The following DNAH2 variants were observed in gnomAD, a reference collection of about 807,000 sequenced individuals.
The protein encoded by DNAH2 is dynein axonemal heavy chain 2.
A neutral mutation model predicts 523.5 loss-of-function variants in DNAH2; 323 were observed. The ratio of observed to expected loss-of-function variants is 0.62; its 90% CI spans 0.56 to 0.68. The LOEUF (loss-of-function observed/expected upper bound fraction) is 0.68, where lower values mean the gene tolerates loss of function less well. DNAH2 is among the 30% of genes least tolerant of loss of function. DNAH2 has a pLI of 0.00. For synonymous variants in DNAH2, 2,093 were observed against 2,177.4 expected (o/e 0.96, Z 1.08); for missense variants, 4,907 against 5,701.5 (o/e 0.86, Z 4.49).
At position 7,793,451 on chromosome 17, in the gene DNAH2, CTTTCTTTCTTTCTTTCTT is replaced by C. The variant is rs2076960208; in HGVS notation, c.7569+248_7569+265del. Among the ~76,000 whole-genome samples the C allele has an allele frequency of 2.0e-4, 11 of 54,168 alleles. 1 individual carries two copies. The South Asian group carries it at 3.2e-3, about 16-fold the overall frequency. The allele number at this position is 54,168 out of a possible 152,430, so 35.5% of individuals were successfully genotyped here. Reference sequence around the variant, plus strand: ...GCTTGCTTTTTCTTTCTTTCTTTTTCTTTCTTTCTTTCTTTCTTTCTTTCTTTCTTTCTTTCTTTCTTT... The same window carrying C: ...GCTTGCTTTTTCTTTCTTTCTTTTTCTCTTTCTTTCTTTCTTTCTTTCTTT... On this transcript the variant is annotated intron_variant, in intron 48 of 85. Coordinates refer to ENST00000572933, the MANE Select transcript of DNAH2 (RefSeq NM_020877.5).
chr17:7,785,863 A>G (rs1420451624), intron 39 of DNAH2, among the ~76,000 whole-genome samples: 1 of 152,194 alleles, frequency 6.6e-6, no homozygotes, highest in African/African-American at 2.4e-5. Context: ...TGTGTCAATG[A>G]GGAAACTGAG....
chr17:7,796,639 G>A lies in DNAH2; in HGVS notation c.7850G>A (p.Arg2617Gln), dbSNP rs772091860. The A allele has an allele frequency of 6.2e-6, 10 of 1,611,732 alleles. No individual in the cohort carries two copies. The East Asian group carries it at 1.1e-4, about 18-fold the overall frequency. The part of the protein sequence containing the change: ...PTKMHYLFNL[R>Q]DISKVFQGML... ...AAGATGCATTACCTCTTCAACCTTC[G>A]AGACATCTCCAAGGTGACTCGCGGC... The change falls in exon 50 of 86, where the codon CGA (arginine) becomes CAA (glutamine). Residue 2617 changes from arginine (R) to glutamine (Q), a missense_variant. This residue lies in a region of DNAH2 where 250 missense variants were observed against 371.3 expected (regional missense o/e 0.67). Coordinates refer to ENST00000572933, the MANE Select transcript of DNAH2 (RefSeq NM_020877.5).
Position 7,760,869 on chromosome 17 carries a change from C to A in DNAH2, c.2915C>A (p.Ser972Tyr). 2 of 1,614,198 alleles carry A rather than the reference C, an allele frequency of 1.2e-6. No homozygotes were observed. Among genetic ancestry groups the A allele is most frequent in the South Asian group, 1.1e-5 (1 of 91,084 alleles). The change falls in exon 18 of 86, where the codon TCC becomes TAC. Residue 972 changes from serine to tyrosine, a missense_variant. Ser to Tyr is a moderately radical substitution (Grantham distance 144). This residue lies in a region of DNAH2 where 2,806 missense variants were observed against 3,190.8 expected (regional missense o/e 0.88). Coordinates refer to ENST00000572933, the MANE Select transcript of DNAH2 (RefSeq NM_020877.5). This position sits in a 1 kb window ranked among gnomAD's most constrained non-coding sequence, Gnocchi z 4.0. ...YREIWEINKD[S>Y]FIHRYQRLNP... ...GAGATCTGGGAGATCAACAAGGACT[C>A]CTTCATTCATCGCTACCAGCGCCTC...
At chr17:7,769,990 T>C (rs1217014241) in intron 24 of DNAH2, among the ~76,000 whole-genome samples, 1 of 152,180 alleles carries the variant, frequency 6.6e-6, no homozygotes, top group Non-Finnish European at 1.5e-5. Context: ...CTCAGTACAG[T>C]TCTAGAGTAA....
At chr17:7,814,217 A>T (rs1026306673) in intron 63 of DNAH2, among the ~76,000 whole-genome samples, 1 of 150,690 alleles carries the variant, frequency 6.6e-6, no homozygotes, top group Non-Finnish European at 1.5e-5. Flanking sequence ...GATAGTAAAA[A>T]TTATTTTCTA....
At chr17:7,830,515 A>G (rs34121753) in intron 78 of DNAH2, 24 bp downstream of exon 78, 807,412 of 1,611,336 alleles carry the variant, frequency 0.5, 221,820 homozygotes, top group Non-Finnish European at 0.58. Flanking sequence ...AGGGGTCCTC[A>G]TCCCAGCCCT....
chr17:7,776,906 A>G lies in DNAH2; in HGVS notation c.5058+17A>G, dbSNP rs756630090. On this transcript the variant is annotated intron_variant, in intron 32 of 85. Coordinates refer to ENST00000572933, the MANE Select transcript of DNAH2 (RefSeq NM_020877.5). Reference sequence around the variant, plus strand: ...AAGAACCAGGTGAGAGGCTGGGCGCACTGGCTCATGCTTGTAATCCCAGCA... The same window carrying G: ...AAGAACCAGGTGAGAGGCTGGGCGCGCTGGCTCATGCTTGTAATCCCAGCA... 4 of 1,590,660 alleles carry G rather than the reference A, an allele frequency of 2.5e-6. No individual in the cohort carries two copies. The South Asian group carries it at 4.4e-5, about 18-fold the overall frequency.
intron 77 of DNAH2, among the ~76,000 whole-genome samples, chr17:7,826,770 C>T (rs1421805758): frequency 6.6e-6 from 1 of 151,928 alleles, no homozygotes; most frequent in African/African-American, 2.4e-5. Flanking sequence ...AACTCCTGAC[C>T]TCAGGCAATC....
chr17:7,759,135 T>TGAGGTAGG lies in DNAH2; in HGVS notation c.2448+12_2448+13insAGGTAGGG. ...AATGATGGTCCTGAGGTAGGGTTCCTGTGGCCAGGATGTTGTGGTTGGAAA... is the reference window on the plus strand; with the variant it reads ...AATGATGGTCCTGAGGTAGGGTTCCTGAGGTAGGGTGGCCAGGATGTTGTGGTTGGAAA... On this transcript the variant is annotated intron_variant, in intron 15 of 85. Transcript: ENST00000572933. 2 of 1,613,428 alleles carry TGAGGTAGG rather than the reference T, an allele frequency of 1.2e-6. No individual in the cohort carries two copies. Among genetic ancestry groups the TGAGGTAGG allele is most frequent in the Non-Finnish European group, 1.7e-6 (2 of 1,179,756 alleles).
In DNAH2 at chr17:7,797,214, T is replaced by C. The variant is rs775817259; in HGVS notation, c.7902T>C (p.His2634=). ...TGCTTAGAGCCAACAAGGACTTCCA[T>C]GATACCAAGTCCAGCATCACACGGC... The part of the protein sequence containing the change: ...QGMLRANKDF[H]DTKSSITRLW... Residue 2634 remains histidine, a synonymous_variant, in exon 51 of 86, where the codon CAT becomes CAC. Coordinates refer to ENST00000572933, the MANE Select transcript of DNAH2 (RefSeq NM_020877.5). The C allele has an allele frequency of 3.1e-6, 5 of 1,613,810 alleles. No homozygotes were observed. The highest frequency in any genetic ancestry group is 2.2e-5 in the South Asian group (2 of 91,068).
chr17:7,823,989 G>A lies in DNAH2; in HGVS notation c.11478+7G>A, dbSNP rs1186027557. On this transcript the variant is annotated splice_region_variant and intron_variant, in intron 75 of 85. Coordinates refer to ENST00000572933, the MANE Select transcript of DNAH2 (RefSeq NM_020877.5). ...TGTGCTGAATATGAAGTCGGTCGGT[G>A]GCTCGGCTTCCTTGTCCCCACGGCC... 2.5e-6 allele frequency: 4 copies of A among 1,610,718 alleles called. No homozygotes were observed. In the Admixed American group the frequency reaches 6.7e-5, roughly 27 times the overall value.
intron 18 of DNAH2, among the ~76,000 whole-genome samples, chr17:7,761,907 GAAAA>G (rs201158634): frequency 7.8e-6 from 1 of 128,774 alleles, no homozygotes; most frequent in Non-Finnish European, 1.7e-5. Context: ...GAGGAGTTAA[GAAAA>G]AAAAAAAAAA....
intron 12 of DNAH2, among the ~76,000 whole-genome samples, chr17:7,752,094 G>C (rs192867925): frequency 2.0e-5 from 3 of 147,116 alleles, no homozygotes; most frequent in African/African-American, 7.5e-5. Flanking sequence ...GTGAACCACC[G>C]GGCCTGGCCA....
At chr17:7,750,737 A>G (rs1186406379) in intron 12 of DNAH2, among the ~76,000 whole-genome samples, 1 of 152,224 alleles carries the variant, frequency 6.6e-6, no homozygotes, top group African/African-American at 2.4e-5. Context: ...TTTTAAAAAT[A>G]CCACATACGT....
In DNAH2 at chr17:7,793,447, T is replaced by TTCTCTTTCTTTC. The variant is rs774059490; in HGVS notation, c.7569+243_7569+244insCTCTTTCTTTCT. Among the ~76,000 whole-genome samples the TTCTCTTTCTTTC allele has an allele frequency of 4.1e-3, 391 of 96,494 alleles. 8 individuals are homozygous for TTCTCTTTCTTTC. Among genetic ancestry groups the TTCTCTTTCTTTC allele is most frequent in the African/African-American group, 7.1e-3 (199 of 28,154 alleles). The allele number at this position is 96,494 out of a possible 152,430, so 63.3% of individuals were successfully genotyped here. A position where few individuals can be genotyped will look rare whatever the true frequency, so the allele number is the denominator to read the frequency against. ...GCCTGCTTGCTTTTTCTTTCTTTCT[T>TTCTCTTTCTTTC]TTTCTTTCTTTCTTTCTTTCTTTCT... On this transcript the variant is annotated intron_variant, in intron 48 of 85. Coordinates refer to ENST00000572933, the MANE Select transcript of DNAH2 (RefSeq NM_020877.5).
chr17:7,817,540 A>G, intron 65 of DNAH2, 21 bp from the exon 66 acceptor site: 2 of 1,613,594 alleles, frequency 1.2e-6, no homozygotes, highest in Non-Finnish European at 1.7e-6. Flanking sequence ...AAGTTAAAGC[A>G]TGGGGCTTTT....
chr17:7,746,768 C>T (rs893651493), intron 12 of DNAH2, among the ~76,000 whole-genome samples: 2 of 152,074 alleles, frequency 1.3e-5, no homozygotes, highest in Non-Finnish European at 2.9e-5. Context: ...GGGCAGATCA[C>T]CTGAGGTCAG....
chr17:7,758,488 T>C lies in DNAH2; in HGVS notation c.2052-7T>C. 6.2e-7 allele frequency: 1 copy of C among 1,612,858 alleles called. No individual in the cohort carries two copies. The highest frequency in any genetic ancestry group is 1.1e-5 in the South Asian group (1 of 90,740). ...CCCTCTGGATACCAGGCCTCTCTTATGCACAGGATTATTGCCATGCTGTCC... is the reference window on the plus strand; with the variant it reads ...CCCTCTGGATACCAGGCCTCTCTTACGCACAGGATTATTGCCATGCTGTCC... On this transcript the variant is annotated splice_polypyrimidine_tract_variant and splice_region_variant and intron_variant, in intron 13 of 85. Transcript: ENST00000572933.
intron 20 of DNAH2, among the ~76,000 whole-genome samples, chr17:7,764,701 A>G (rs2151206176): frequency 6.7e-6 from 1 of 150,076 alleles, no homozygotes; most frequent in East Asian, 2.0e-4. Flanking sequence ...AACTCAAGCA[A>G]TCTGCTGACC....
Sources: allele counts gnomAD v4.1 joint callset (sites outside exome capture counted in the v4.1 genomes callset), GRCh38; gene constraint gnomAD v4.1.1; regional missense constraint gnomAD v4.1.1; non-coding constraint Gnocchi (gnomAD v3.1); transcripts MANE v1.5; gene names NCBI Gene and HGNC (gene_info 2026-07-23, HGNC 2026-07-21).